Variants in DLEC1 observed in about 807,000 individuals in gnomAD.
DLEC1 encodes the protein DLEC1 cilia and flagella associated protein, also known as deleted in lung and esophageal cancer protein 1.
DLEC1 carries 146 observed loss-of-function variants against 198.1 expected under a neutral mutation model. The ratio of observed to expected loss-of-function variants is 0.74; its 90% CI spans 0.64 to 0.85. DLEC1 has a LOEUF of 0.85. Among genes scored for constraint, DLEC1 ranks in the 40% least tolerant of loss-of-function variants. The probability of loss-of-function intolerance (pLI) is 0.00; values close to 1 mark genes in which losing one functional copy is unlikely to be tolerated. For synonymous variants in DLEC1, 897 were observed against 866.8 expected (o/e 1.03, Z -0.61); for missense variants, 2,233 against 2,220.0 (o/e 1.01, Z -0.12).
At chr3:38,115,108 G>A (rs1299581076) in intron 27 of DLEC1, 55 bp downstream of exon 27, 26 of 1,595,000 alleles carry the variant, frequency 1.6e-5, no homozygotes, top group Non-Finnish European at 2.0e-5. Context: ...GCCTTGTGGT[G>A]AGCCAGGCTG....
intron 7 of DLEC1, among the ~76,000 whole-genome samples, chr3:38,084,548 A>AGTAGTGGTAGTAGTAGTAGTGGTGGTG (rs1559430812): frequency 1.4e-3 from 2 of 1,406 alleles, no homozygotes; most frequent in Non-Finnish European, 4.9e-3. Flanking sequence ...TGGTAGTAGT[A>AGTAGTGGTAGTAGTAGTAGTGGTGGTG]GTGGTAGTAG....
At chr3:38,095,386 T>G in intron 13 of DLEC1, 1 of 373,292 alleles carries the variant, frequency 2.7e-6, no homozygotes, top group Non-Finnish European at 5.0e-6. Context: ...CAGCATCCCC[T>G]AGAGAGAGTG....
At chr3:38,072,236 G>C (rs1305575734) in intron 6 of DLEC1, among the ~76,000 whole-genome samples, 1 of 152,186 alleles carries the variant, frequency 6.6e-6, no homozygotes, top group East Asian at 1.9e-4. Context: ...GTAGCTGAAG[G>C]AGCCGGGGAG....
intron 6 of DLEC1, among the ~76,000 whole-genome samples, chr3:38,074,025 G>C (rs1433473330): frequency 6.6e-6 from 1 of 152,238 alleles, no homozygotes; most frequent in Non-Finnish European, 1.5e-5. Context: ...TGGGCAGTCT[G>C]CCTTCCAGTG....
rs1444606525 is a variant in DLEC1 at position 38,097,271 on chromosome 3, C to G, written c.2430C>G (p.Val810=). ...TTGAAGTGGAGCCCGGCACAGGGGT[C>G]ATAGGTACCTTGGGGACTGCAGGAG... ...HIIEVEPGTG[V]IEPSEVGDFE... Residue 810 remains valine (V), a synonymous_variant, in exon 16 of 37, where the codon GTC becomes GTG. Coordinates refer to ENST00000308059, the MANE Select transcript of DLEC1 (RefSeq NM_007335.4). The G allele has an allele frequency of 1.9e-5, 30 of 1,578,494 alleles. No homozygotes were observed. The highest frequency in any genetic ancestry group is 2.5e-5 in the Non-Finnish European group (29 of 1,161,026).
chr3:38,063,796 G>A, intron 5 of DLEC1, 45 bp from the exon 6 acceptor site: 5 of 1,393,042 alleles, frequency 3.6e-6, no homozygotes, highest in Non-Finnish European at 5.1e-6. Flanking sequence ...TTCATTGTAT[G>A]GATGAAACTA....
chr3:38,111,575 C>A, intron 23 of DLEC1, 102 bp from the exon 24 acceptor site: 1 of 1,300,934 alleles, frequency 7.7e-7, no homozygotes, highest in Non-Finnish European at 1.1e-6. Context: ...CCACCTTCCT[C>A]TGCTGGGCAC....
At chr3:38,039,713 G>A in intron 1 of DLEC1, 77 bp downstream of exon 1, 3 of 1,499,578 alleles carry the variant, frequency 2.0e-6, no homozygotes, top group Non-Finnish European at 2.7e-6. Flanking sequence ...CCTGCCAGGT[G>A]CCAGGCGCTG....
chr3:38,110,304 C>T (rs1299366449), intron 23 of DLEC1, 23 bp downstream of exon 23: 10 of 1,613,122 alleles, frequency 6.2e-6, no homozygotes, highest in African/African-American at 2.7e-5. Flanking sequence ...TCTTTCACTT[C>T]CCAGGGCAGA....
chr3:38,058,479 G>T (rs1459168810), intron 2 of DLEC1, among the ~76,000 whole-genome samples: 1 of 152,098 alleles, frequency 6.6e-6, no homozygotes, highest in Non-Finnish European at 1.5e-5. Context: ...CCACTCCCAG[G>T]CCAGCATTGC....
chr3:38,055,349 G>A (rs1053458387), intron 2 of DLEC1, among the ~76,000 whole-genome samples: 7 of 152,202 alleles, frequency 4.6e-5, no homozygotes, highest in Non-Finnish European at 1.0e-4. Context: ...CAAGTGCAAA[G>A]AGAAGATCTT....
chr3:38,054,342 T>A (rs1055532330), intron 2 of DLEC1, among the ~76,000 whole-genome samples: 5 of 152,234 alleles, frequency 3.3e-5, no homozygotes, highest in Non-Finnish European at 7.3e-5. Flanking sequence ...TGCAGGCGCC[T>A]GGAGGCACTG....
intron 8 of DLEC1, 149 bp downstream of exon 8, chr3:38,085,596 G>GTTT: frequency 1.1e-6 from 1 of 912,736 alleles, no homozygotes; most frequent in South Asian, 1.7e-5. Flanking sequence ...ACTGCTAGCA[G>GTTT]CTTCTGTAGC....
intron 20 of DLEC1, among the ~76,000 whole-genome samples, 171 bp downstream of exon 20, chr3:38,107,908 T>C (rs1407147845): frequency 1.3e-5 from 2 of 152,246 alleles, no homozygotes; most frequent in Non-Finnish European, 2.9e-5. Flanking sequence ...AGGAGCAGCA[T>C]ATCTGGTCCA....
rs779462320 is a variant in DLEC1 at position 38,112,755 on chromosome 3, C to G, written c.3666+394C>G. 6.6e-6 allele frequency among the ~76,000 whole-genome samples: 1 copy of G among 152,156 alleles called. No individual in the cohort carries two copies. The highest frequency in any genetic ancestry group is 1.5e-5 in the Non-Finnish European group (1 of 68,034). ...CTTGCCCCGCCCTTGGTGGGGCTCA[C>G]CCAGGGGTCCATTTAATTGCTCCAG... On this transcript the variant is annotated intron_variant, in intron 25 of 36. Transcript: ENST00000308059. The surrounding 1 kb of genome is among the most constrained non-coding windows in gnomAD (Gnocchi z 4.8).
chr3:38,094,699 C>A (rs909118243), intron 12 of DLEC1, among the ~76,000 whole-genome samples, 180 bp from the exon 13 acceptor site: 1 of 152,212 alleles, frequency 6.6e-6, no homozygotes, highest in African/African-American at 2.4e-5. Context: ...CTCCCTCGCC[C>A]ACTTGCTGCC....
At chr3:38,084,359 G>GGTA in intron 7 of DLEC1, 114 bp downstream of exon 7, 1 of 851,178 alleles carries the variant, frequency 1.2e-6, no homozygotes, top group Non-Finnish European at 1.8e-6. Flanking sequence ...TAGTGGTGGT[G>GGTA]GTAGTAGTAG....
chr3:38,110,414 C>T, intron 23 of DLEC1, 133 bp downstream of exon 23: 5 of 1,124,128 alleles, frequency 4.4e-6, no homozygotes, highest in Non-Finnish European at 6.4e-6. Flanking sequence ...TACAGGTAGA[C>T]ATGGGGACAG....
At chr3:38,098,996 T>C (rs557358815) in intron 18 of DLEC1, among the ~76,000 whole-genome samples, 1 of 152,298 alleles carries the variant, frequency 6.6e-6, no homozygotes, top group Admixed American at 6.5e-5. Context: ...TGGGCTGGGA[T>C]GGGGCTGGGG....
Sources: gnomAD v4.1 joint callset for allele counts (sites outside exome capture counted in the v4.1 genomes callset) on GRCh38, gnomAD v4.1.1 for gene constraint, Gnocchi (gnomAD v3.1) non-coding constraint, MANE v1.5 for transcripts, NCBI Gene and HGNC (gene_info 2026-07-23, HGNC 2026-07-21) for gene names.